The following METTL15 variants were observed in gnomAD, a reference collection of about 807,000 sequenced individuals.
The protein encoded by METTL15 is methyltransferase 15, mitochondrial 12S rRNA N4-cytidine, also known as 12S rRNA N(4)-cytidine methyltransferase METTL15.
A neutral mutation model predicts 38.3 loss-of-function variants in METTL15; 34 were observed. The ratio of observed to expected loss-of-function variants is 0.89; its 90% CI spans 0.68 to 1.18. The LOEUF (loss-of-function observed/expected upper bound fraction) is 1.18. METTL15 is among the 50% of genes most tolerant of loss of function. The pLI is 0.00. For missense variants in METTL15, 438 were observed against 498.4 expected, an observed-to-expected ratio of 0.88 and a Z score of 1.15; for synonymous variants, 162 against 170.9, an observed-to-expected ratio of 0.95 and a Z score of 0.41.
chr11:28,247,589 G>C (rs1428835168), intron 4 of METTL15, among the ~76,000 whole-genome samples: 1 of 152,068 alleles, frequency 6.6e-6, no homozygotes, highest in African/African-American at 2.4e-5. Flanking sequence ...GAAGCTTTAT[G>C]TAAGTTCAAA....
At chr11:28,288,706 A>G (rs941638346) in intron 4 of METTL15, among the ~76,000 whole-genome samples, 3 of 152,110 alleles carry the variant, frequency 2.0e-5, no homozygotes, top group Non-Finnish European at 4.4e-5. Flanking sequence ...AAAAATAACT[A>G]ATGGATACTA....
intron 3 of METTL15, among the ~76,000 whole-genome samples, chr11:28,149,771 C>T (rs1391501454): frequency 2.0e-5 from 3 of 151,256 alleles, no homozygotes; most frequent in Non-Finnish European, 2.9e-5. Flanking sequence ...AATTTATTTT[C>T]GATACAAAAA....
chr11:28,119,024 T>C (rs1852095495), intron 3 of METTL15, among the ~76,000 whole-genome samples: 1 of 152,158 alleles, frequency 6.6e-6, no homozygotes, highest in Non-Finnish European at 1.5e-5. Context: ...TGTCTGGAAC[T>C]GAAAAAGTAC....
intron 5 of METTL15, among the ~76,000 whole-genome samples, chr11:28,412,630 C>G (rs7111039): frequency 0.12 from 17,763 of 151,840 alleles, 1,402 homozygotes; most frequent in East Asian, 0.3. Flanking sequence ...TAAAATAAAC[C>G]AAACGCAGAA....
At chr11:28,481,718 G>A (rs535344430) in intron 6 of METTL15, among the ~76,000 whole-genome samples, 1 of 152,276 alleles carries the variant, frequency 6.6e-6, no homozygotes, top group South Asian at 2.1e-4. Flanking sequence ...CGCAGCTCAG[G>A]CTGCTCAGCG....
At chr11:28,376,489 C>T (rs1234413740) in intron 5 of METTL15, among the ~76,000 whole-genome samples, 3 of 151,838 alleles carry the variant, frequency 2.0e-5, no homozygotes, top group African/African-American at 7.3e-5. Context: ...GATTGCAACC[C>T]CTGCCTTTTT....
chr11:28,482,168 T>G (rs942088137), intron 6 of METTL15, among the ~76,000 whole-genome samples: 12 of 152,186 alleles, frequency 7.9e-5, no homozygotes, highest in African/African-American at 2.9e-4. Context: ...CTGTCTTCAC[T>G]TCTCTAATGG....
chr11:28,391,415 T>G lies in METTL15; in HGVS notation c.*358+29379T>G, dbSNP rs542727457. On this transcript the variant is annotated intron_variant and NMD_transcript_variant, in intron 5 of 7. Coordinates refer to the METTL15 transcript ENST00000532947. ...TTGAGATACGTCCCATCAATACCTA[T>G]TTTATTGAGAGTTTTTAGCATGAAG... 2.6e-5 allele frequency among the ~76,000 whole-genome samples: 4 copies of G among 152,114 alleles called. No individual in the cohort carries two copies. In the South Asian group the frequency reaches 6.2e-4, roughly 24 times the overall value.
At chr11:28,351,052 G>T (rs770433847) in intron 3 of METTL15, among the ~76,000 whole-genome samples, 1 of 152,106 alleles carries the variant, frequency 6.6e-6, no homozygotes, top group Admixed American at 6.5e-5. Context: ...TAGCAGCAGG[G>T]TCTACTCTAC....
chr11:28,425,402 T>C (rs1434196526), intron 6 of METTL15, among the ~76,000 whole-genome samples: 2 of 152,250 alleles, frequency 1.3e-5, no homozygotes, highest in African/African-American at 4.8e-5. Context: ...CTCTGTCCAC[T>C]TCTCTAGTGA....
At chr11:28,400,792 T>C (rs1241594987) in intron 5 of METTL15, among the ~76,000 whole-genome samples, 1 of 151,966 alleles carries the variant, frequency 6.6e-6, no homozygotes, top group East Asian at 1.9e-4. Flanking sequence ...TAATGCTTCC[T>C]AACCACAACA....
intron 4 of METTL15, among the ~76,000 whole-genome samples, chr11:28,215,728 G>C (rs1414770338): frequency 2.0e-5 from 3 of 152,140 alleles, no homozygotes; most frequent in African/African-American, 7.2e-5. Context: ...TTGAGGTAGA[G>C]AGAATTAATA....
chr11:28,524,873 A>G (rs1851796234), intron 6 of METTL15, among the ~76,000 whole-genome samples: 1 of 152,158 alleles, frequency 6.6e-6, no homozygotes. Flanking sequence ...CCTCGCAGTG[A>G]GTGTTACAGT....
intron 5 of METTL15, among the ~76,000 whole-genome samples, chr11:28,386,218 A>C (rs1850439157): frequency 6.6e-6 from 1 of 152,048 alleles, no homozygotes; most frequent in South Asian, 2.1e-4. Context: ...CAAGTTATAA[A>C]AAAAACAGTT....
chr11:28,250,338 C>A (rs1384562107), intron 4 of METTL15, among the ~76,000 whole-genome samples: 2 of 152,024 alleles, frequency 1.3e-5, no homozygotes, highest in African/African-American at 4.8e-5. Context: ...ACATTACCAC[C>A]AGCAGTGTAT....
At chr11:28,270,051 C>A (rs1158157045) in intron 4 of METTL15, among the ~76,000 whole-genome samples, 1 of 152,118 alleles carries the variant, frequency 6.6e-6, no homozygotes, top group East Asian at 1.9e-4. Context: ...AATGTTAATT[C>A]TCTCAAATTC....
intron 3 of METTL15, among the ~76,000 whole-genome samples, chr11:28,159,679 T>C (rs936180338): frequency 2.0e-5 from 3 of 152,228 alleles, no homozygotes; most frequent in Non-Finnish European, 4.4e-5. Flanking sequence ...TCCTTTATCA[T>C]GTGACATAAG....
At chr11:28,243,081 TAA>T (rs879689338) in intron 4 of METTL15, among the ~76,000 whole-genome samples, 4 of 139,448 alleles carry the variant, frequency 2.9e-5, no homozygotes, top group African/African-American at 2.6e-5. Flanking sequence ...GATTGGAGTG[TAA>T]AAAAAAAAAA....
rs145058502 is a variant in METTL15 at position 28,510,867 on chromosome 11, T to C, written c.*425-15611T>C. On this transcript the variant is annotated intron_variant and NMD_transcript_variant, in intron 6 of 7. Coordinates refer to the METTL15 transcript ENST00000532947. Reference sequence around the variant, plus strand: ...GTGCATAATCTCAGACTTCCTCAAGTACTCAGCCTGTGTTAAGTGTGGGTC... The same window carrying C: ...GTGCATAATCTCAGACTTCCTCAAGCACTCAGCCTGTGTTAAGTGTGGGTC... Among the ~76,000 whole-genome samples, 579 of 152,266 alleles carry C rather than the reference T, an allele frequency of 3.8e-3. 6 individuals carry two copies. Among genetic ancestry groups the C allele is most frequent in the African/African-American group, 0.013 (540 of 41,554 alleles).
Sources: gnomAD v4.1 joint callset for allele counts (sites outside exome capture counted in the v4.1 genomes callset) on GRCh38, gnomAD v4.1.1 for gene constraint, MANE v1.5 for transcripts, NCBI Gene and HGNC (gene_info 2026-07-23, HGNC 2026-07-21) for gene names.